CORO2A: variants seen among roughly 807,000 people sequenced by gnomAD.
CORO2A encodes the protein coronin-2A.
Under a neutral mutation model 62.4 loss-of-function variants are expected in CORO2A, and 47 were observed. The ratio of observed to expected loss-of-function variants is 0.75; its 90% CI spans 0.60 to 0.96. The LOEUF is 0.96. Ranked by LOEUF, CORO2A falls within the 40% of genes least tolerant of loss-of-function variation. The pLI is 0.00. For missense variants in CORO2A, 610 were observed against 684.1 expected (o/e 0.89, Z 1.21); for synonymous variants, 273 against 268.9 (o/e 1.02, Z -0.15).
At chr9:98,137,717 G>A in intron 2 of CORO2A, 29 bp from the exon 3 acceptor site, 1 of 1,545,788 alleles carries the variant, frequency 6.5e-7, no homozygotes, top group Non-Finnish European at 8.9e-7. Flanking sequence ...GAGGGTTGGG[G>A]AGGAGGTGGA....
intron 1 of CORO2A, among the ~76,000 whole-genome samples, chr9:98,179,306 G>A (rs575352760): frequency 1.3e-5 from 2 of 152,316 alleles, no homozygotes; most frequent in African/African-American, 4.8e-5. Context: ...CCTGCAGGAC[G>A]CGGAGACCCT....
intron 1 of CORO2A, among the ~76,000 whole-genome samples, chr9:98,182,818 G>T (rs1828193982): frequency 6.6e-6 from 1 of 152,228 alleles, no homozygotes; most frequent in African/African-American, 2.4e-5. Flanking sequence ...ATGATTCCAA[G>T]ACAGCTTTTT....
chr9:98,190,042 AC>A (rs545111594), intron 1 of CORO2A, among the ~76,000 whole-genome samples: 53 of 152,128 alleles, frequency 3.5e-4, no homozygotes, highest in African/African-American at 1.3e-3. Flanking sequence ...GTGCCACCAC[AC>A]CCAGCTAATT....
rs533863770 is a variant in CORO2A, at chr9:98,150,182, C to T, written c.201+7278G>A. On this transcript the variant is annotated intron_variant, in intron 2 of 11. Transcript: ENST00000375077. ...TCCTGACCTCGTGATCTGCCTGCCTCGGCTTCCCAAAGTGCTGAGATTGCA... is the reference window on the plus strand; with the variant it reads ...TCCTGACCTCGTGATCTGCCTGCCTTGGCTTCCCAAAGTGCTGAGATTGCA... Among the ~76,000 whole-genome samples the T allele has an allele frequency of 1.1e-4, 16 of 152,166 alleles. No individual in the cohort carries two copies. In the East Asian group the frequency reaches 1.7e-3, roughly 17 times the overall value.
In CORO2A at chr9:98,124,847, G is replaced by T. The variant is rs139089417; in HGVS notation, c.1505C>A (p.Thr502Asn). Residue 502 changes from threonine (T) to asparagine (N), a missense_variant, in exon 12 of 12, where the codon ACC becomes AAC. Coordinates refer to ENST00000375077, the MANE Select transcript of CORO2A (RefSeq NM_052820.4). ...EEIRRLRELL[T>N]QREVQAKQLE... ...CTGTTTGGCCTGGACCTCTCGCTGG[G>T]TCAACAGCTCCCGGAGCCTTCGGAT... The T allele has an allele frequency of 6.2e-7, 1 of 1,602,336 alleles. No homozygotes were observed. Among genetic ancestry groups the T allele is most frequent in the Non-Finnish European group, 8.5e-7 (1 of 1,173,352 alleles).
intron 1 of CORO2A, among the ~76,000 whole-genome samples, chr9:98,163,536 A>C (rs1827915270): frequency 6.6e-6 from 1 of 152,046 alleles, no homozygotes; most frequent in African/African-American, 2.4e-5. Context: ...ACTCTCCTGC[A>C]AGGTAGGTGG....
At chr9:98,149,234 G>A (rs1207798330) in intron 2 of CORO2A, among the ~76,000 whole-genome samples, 2 of 152,134 alleles carry the variant, frequency 1.3e-5, no homozygotes, top group Admixed American at 6.5e-5. Context: ...CAAAAATAAC[G>A]ATTTGTTGTT....
At chr9:98,133,438 C>G (rs7866005) in intron 4 of CORO2A, among the ~76,000 whole-genome samples, 24,898 of 152,096 alleles carry the variant, frequency 0.16, 3,761 homozygotes, top group African/African-American at 0.4. Context: ...GAAAGGAAAA[C>G]GCCACCTGCC....
At chr9:98,178,114 A>G (rs1828132832) in intron 1 of CORO2A, among the ~76,000 whole-genome samples, 1 of 152,130 alleles carries the variant, frequency 6.6e-6, no homozygotes, top group African/African-American at 2.4e-5. Flanking sequence ...TGGTGCCATC[A>G]TAGCTCATTG....
At chr9:98,140,691 C>A (rs1164563589) in intron 2 of CORO2A, among the ~76,000 whole-genome samples, 1 of 152,250 alleles carries the variant, frequency 6.6e-6, no homozygotes, top group African/African-American at 2.4e-5. Context: ...ACAATCTTCC[C>A]AACTTGCCCT....
chr9:98,157,573 G>A lies in CORO2A; in HGVS notation c.88C>T (p.Pro30Ser), dbSNP rs1463349710. 2 of 1,614,044 alleles carry A rather than the reference G, an allele frequency of 1.2e-6. No homozygotes were observed. Among genetic ancestry groups the A allele is most frequent in the Non-Finnish European group, 1.7e-6 (2 of 1,180,016 alleles). Residue 30 changes from proline (P) to serine (S), a missense_variant, in exon 2 of 12, where the codon CCT becomes TCT. Physicochemically the swap from Pro to Ser is moderately conservative, Grantham distance 74 (BLOSUM62 -1). Transcript: ENST00000375077. ...ASKENCYDSV[P>S]ITRSVHDNHF... The stretch of plus-strand genomic sequence containing the variant: ...TTGTCGTGAACGCTGCGGGTGATAG[G>A]CACGGAGTCGTAGCAGTTCTCCTTG...
chr9:98,191,299 GA>G (rs1418781670), intron 1 of CORO2A, among the ~76,000 whole-genome samples: 1 of 152,232 alleles, frequency 6.6e-6, no homozygotes, highest in African/African-American at 2.4e-5. Flanking sequence ...TTCCAGTCCT[GA>G]TGCACAGGTG....
intron 11 of CORO2A, among the ~76,000 whole-genome samples, chr9:98,126,113 G>A (rs1443311044): frequency 6.1e-5 from 9 of 148,568 alleles, no homozygotes; most frequent in African/African-American, 2.2e-4. Context: ...TTGGCTCACT[G>A]CAACCTCCAC....
Position 98,135,012 on chromosome 9 carries a change from C to T in CORO2A, c.319-57G>A, listed in dbSNP as rs1420107958. 4 of 1,586,892 alleles carry T rather than the reference C, an allele frequency of 2.5e-6. No individual in the cohort carries two copies. In the African/African-American group the frequency reaches 5.4e-5, roughly 21 times the overall value. ...TAGCCAGGGCACCTTGGCACCGTCA[C>T]CAGCCTAAGCCACAGATCTGGCAGT... On this transcript the variant is annotated intron_variant, in intron 3 of 11. Transcript: ENST00000375077.
chr9:98,179,060 A>G (rs1828144667), intron 1 of CORO2A, among the ~76,000 whole-genome samples: 1 of 152,144 alleles, frequency 6.6e-6, no homozygotes, highest in Non-Finnish European at 1.5e-5. Context: ...TGGTCCTTTT[A>G]CTTTACTGTG....
intron 1 of CORO2A, among the ~76,000 whole-genome samples, chr9:98,160,633 C>T (rs1303054126): frequency 6.6e-6 from 1 of 152,174 alleles, no homozygotes; most frequent in Non-Finnish European, 1.5e-5. Context: ...CACCTTGGGC[C>T]TGGGCTCGGG....
chr9:98,145,347 G>A (rs1179242386), intron 2 of CORO2A, among the ~76,000 whole-genome samples: 2 of 152,178 alleles, frequency 1.3e-5, no homozygotes, highest in Non-Finnish European at 1.5e-5. Flanking sequence ...GTTGTCCTTT[G>A]GGGACCTATA....
At chr9:98,133,466 C>T (rs1271115557) in intron 4 of CORO2A, among the ~76,000 whole-genome samples, 4 of 152,174 alleles carry the variant, frequency 2.6e-5, no homozygotes, top group African/African-American at 9.7e-5. Flanking sequence ...AACAAAACAT[C>T]CATGCTGGGA....
At chr9:98,131,901 C>T (rs538804458) in intron 6 of CORO2A, among the ~76,000 whole-genome samples, 9 of 152,232 alleles carry the variant, frequency 5.9e-5, no homozygotes, top group Admixed American at 5.9e-4. Flanking sequence ...CTCCTTCTCC[C>T]TTCCTCCTAG....
Sources: gnomAD v4.1 joint callset for allele counts (sites outside exome capture counted in the v4.1 genomes callset) on GRCh38, gnomAD v4.1.1 for gene constraint, MANE v1.5 for transcripts, NCBI Gene and HGNC (gene_info 2026-07-23, HGNC 2026-07-21) for gene names.